Variants in MAOB observed in about 807,000 individuals in gnomAD.
The protein encoded by MAOB is monoamine oxidase B.
MAOB carries 15 observed loss-of-function variants against 41.9 expected under a neutral mutation model. The observed-to-expected ratio is 0.36, with a 90% CI of 0.24 to 0.55. The LOEUF is 0.55. Among genes scored for constraint, MAOB ranks in the 20% least tolerant of loss-of-function variants. The probability of loss-of-function intolerance (pLI) is 0.86; values close to 1 mark genes in which losing one functional copy is unlikely to be tolerated. For synonymous variants in MAOB, 167 were observed against 144.2 expected (o/e 1.16, Z -1.13); for missense variants, 345 against 398.7 (o/e 0.87, Z 1.15).
At chrX:43,794,444 C>T (rs2034502936) in intron 7 of MAOB, among the ~76,000 whole-genome samples, 1 of 110,374 alleles carries the variant, frequency 9.1e-6, no homozygotes, top group African/African-American at 3.3e-5. Context: ...TTATCACTAT[C>T]TGACATACTT....
At chrX:43,858,345 T>C (rs939808241) in intron 1 of MAOB, among the ~76,000 whole-genome samples, 3 of 111,027 alleles carry the variant, frequency 2.7e-5, no homozygotes, top group Non-Finnish European at 5.7e-5. Flanking sequence ...ATATCCCATC[T>C]TACCCATAAT....
intron 14 of MAOB, 48 bp downstream of exon 14, chrX:43,768,606 G>C (rs1291441173): frequency 9.7e-7 from 1 of 1,035,935 alleles, no homozygotes; most frequent in East Asian, 3.1e-5. Flanking sequence ...TGAAAATAAT[G>C]GGTTTAGAGA....
At chrX:43,780,605 G>T (rs759034014) in intron 9 of MAOB, among the ~76,000 whole-genome samples, 2 of 111,876 alleles carry the variant, frequency 1.8e-5, no homozygotes, top group African/African-American at 3.2e-5. Context: ...GGAATCAAGC[G>T]ACTAAAAGTA....
At chrX:43,818,699 G>A in intron 3 of MAOB, among the ~76,000 whole-genome samples, 1 of 112,557 alleles carries the variant, frequency 8.9e-6, no homozygotes, top group Non-Finnish European at 1.9e-5. Context: ...AGACCCAGGA[G>A]AAATCTAGGC....
intron 12 of MAOB, among the ~76,000 whole-genome samples, chrX:43,772,850 C>T (rs2034202834): frequency 9.0e-6 from 1 of 111,351 alleles, no homozygotes; most frequent in Admixed American, 9.5e-5. Flanking sequence ...CTCCCCACCA[C>T]ACTTGCTTGT....
chrX:43,850,533 AAAC>A, intron 1 of MAOB: 1 of 686,426 alleles, frequency 1.5e-6, no homozygotes, highest in South Asian at 7.6e-5. Context: ...GGGAAAATCT[AAAC>A]AACACGTGAC....
At chrX:43,791,697 C>T (rs964082719) in intron 8 of MAOB, among the ~76,000 whole-genome samples, 39 of 110,056 alleles carry the variant, frequency 3.5e-4, no homozygotes, top group African/African-American at 1.3e-3. Context: ...GCAGGGGTTG[C>T]AGTGAGCCAA....
chrX:43,772,735 G>A (rs951070791), intron 12 of MAOB, among the ~76,000 whole-genome samples: 1 of 111,538 alleles, frequency 9.0e-6, no homozygotes, highest in Non-Finnish European at 1.9e-5. Flanking sequence ...GTGGGGCCTG[G>A]TGGGAGGTGT....
chrX:43,845,920 CG>C (rs2035197701), intron 1 of MAOB, among the ~76,000 whole-genome samples: 1 of 111,749 alleles, frequency 8.9e-6, no homozygotes, highest in Non-Finnish European at 1.9e-5. Flanking sequence ...TCCCTGTCAC[CG>C]GGGGCAGAGC....
At chrX:43,851,252 G>A (rs1707946777) in intron 1 of MAOB, among the ~76,000 whole-genome samples, 1 of 111,804 alleles carries the variant, frequency 8.9e-6, no homozygotes, top group African/African-American at 3.2e-5. Context: ...GGAATTAGAG[G>A]AAGTGTGTAT....
At chrX:43,773,066 C>T (rs773146711) in intron 12 of MAOB, among the ~76,000 whole-genome samples, 5 of 112,153 alleles carry the variant, frequency 4.5e-5, no homozygotes, top group Non-Finnish European at 7.5e-5. Context: ...CCTAATACAC[C>T]ATCCATGCAA....
At chrX:43,810,029 G>A (rs1382232898) in intron 3 of MAOB, among the ~76,000 whole-genome samples, 2 of 99,211 alleles carry the variant, frequency 2.0e-5, no homozygotes, top group Non-Finnish European at 3.8e-5. Context: ...GGATCACGAG[G>A]TCAGGAGATC....
At chrX:43,826,542 G>T (rs1296060734) in intron 3 of MAOB, among the ~76,000 whole-genome samples, 1 of 112,262 alleles carries the variant, frequency 8.9e-6, no homozygotes, top group East Asian at 2.8e-4. Flanking sequence ...TGCTGTATTA[G>T]AATACCACAG....
At chrX:43,769,610 A>G (rs1365624063) in intron 12 of MAOB, among the ~76,000 whole-genome samples, 192 bp from the exon 13 acceptor site, 3 of 111,732 alleles carry the variant, frequency 2.7e-5, no homozygotes, top group African/African-American at 9.8e-5. Context: ...ATAGAATAAA[A>G]GCCAAAGTTC....
At chrX:43,829,347 G>T (rs1287817756) in intron 3 of MAOB, among the ~76,000 whole-genome samples, 2 of 112,222 alleles carry the variant, frequency 1.8e-5, no homozygotes, top group South Asian at 3.7e-4. Context: ...CAGTTCTATT[G>T]TTTCTCCTGA....
intron 1 of MAOB, among the ~76,000 whole-genome samples, chrX:43,848,507 G>GT (rs200207611): frequency 0.022 from 2,217 of 102,588 alleles, 65 homozygotes; most frequent in South Asian, 0.16. Flanking sequence ...CCTTGGGACT[G>GT]TTTTTTTTTT....
intron 8 of MAOB, among the ~76,000 whole-genome samples, chrX:43,792,478 A>G (rs1032922049): frequency 4.5e-5 from 5 of 112,123 alleles, no homozygotes; most frequent in African/African-American, 1.6e-4. Context: ...TCTACAAGGA[A>G]CTTAATTCAA....
chrX:43,850,187 C>CT (rs747472782), intron 1 of MAOB: 1 of 174,302 alleles, frequency 5.7e-6, no homozygotes, highest in South Asian at 2.7e-4. Context: ...GTTTCTTTGT[C>CT]TTAATGGGTG....
intron 3 of MAOB, among the ~76,000 whole-genome samples, chrX:43,828,489 TC>T (rs1387429347): frequency 9.1e-6 from 1 of 109,652 alleles, no homozygotes; most frequent in Non-Finnish European, 1.9e-5. Flanking sequence ...GTCAAGTAGG[TC>T]ACAGGTGGTC....
Sources: gnomAD v4.1 joint callset for allele counts (sites outside exome capture counted in the v4.1 genomes callset) on GRCh38, gnomAD v4.1.1 for gene constraint, MANE v1.5 for transcripts, NCBI Gene and HGNC (gene_info 2026-07-23, HGNC 2026-07-21) for gene names.